The following RBFOX1 variants were observed in gnomAD, a reference collection of about 807,000 sequenced individuals.
The protein encoded by RBFOX1 is RNA binding fox-1 homolog 1.
A neutral mutation model predicts 57.7 loss-of-function variants in RBFOX1; 8 were observed. The ratio of observed to expected loss-of-function variants is 0.14; its 90% CI spans 0.08 to 0.25. The LOEUF is 0.25. RBFOX1 is among the 10% of genes least tolerant of loss of function. The pLI is 1.00. For missense variants in RBFOX1, 611 were observed against 548.5 expected (o/e 1.11, Z -1.14); for synonymous variants, 326 against 222.4 (o/e 1.47, Z -4.15).
intron 5 of RBFOX1, among the ~76,000 whole-genome samples, chr16:7,547,287 T>A (rs762921001): frequency 7.2e-5 from 11 of 152,222 alleles, no homozygotes; most frequent in Non-Finnish European, 1.6e-4. Flanking sequence ...TTAGCACCTT[T>A]CGATATGAAG....
chr16:7,585,609 G>T (rs781269662), intron 6 of RBFOX1, among the ~76,000 whole-genome samples: 4 of 152,136 alleles, frequency 2.6e-5, no homozygotes, highest in Non-Finnish European at 5.9e-5. Context: ...ACATTTCTAT[G>T]GCACAGAATG....
chr16:6,167,613 CA>C (rs1209679316), intron 1 of RBFOX1, among the ~76,000 whole-genome samples: 10 of 152,100 alleles, frequency 6.6e-5, no homozygotes, highest in African/African-American at 2.2e-4. Context: ...TTCAGGAGAC[CA>C]AAAGAAAGAG....
intron 3 of RBFOX1, among the ~76,000 whole-genome samples, chr16:6,724,658 C>T (rs763313401): frequency 3.9e-5 from 6 of 152,014 alleles, no homozygotes; most frequent in Admixed American, 1.3e-4. Flanking sequence ...TATAGCAGCC[C>T]GAATAGACTA....
At chr16:5,492,035 A>G (rs1049333630) in intron 2 of RBFOX1, among the ~76,000 whole-genome samples, 1 of 152,206 alleles carries the variant, frequency 6.6e-6, no homozygotes, top group African/African-American at 2.4e-5. Flanking sequence ...GACCAGCAGT[A>G]TCAGCGTTGC....
chr16:6,362,407 T>A (rs1191446723), intron 2 of RBFOX1, among the ~76,000 whole-genome samples: 2 of 152,160 alleles, frequency 1.3e-5, no homozygotes, highest in Non-Finnish European at 2.9e-5. Context: ...TAAAATTGAA[T>A]GTACATAAAT....
At chr16:5,288,015 C>T (rs1478786086) in intron 1 of RBFOX1, among the ~76,000 whole-genome samples, 1 of 152,182 alleles carries the variant, frequency 6.6e-6, no homozygotes, top group Non-Finnish European at 1.5e-5. Context: ...GGGGGCCTGA[C>T]TAGGGAGGTA....
intron 4 of RBFOX1, among the ~76,000 whole-genome samples, chr16:7,191,178 C>T (rs569632061): frequency 1.3e-5 from 2 of 152,124 alleles, no homozygotes. Flanking sequence ...AAGGAAACCC[C>T]TTTCAACCCC....
At chr16:5,331,978 G>A (rs1051570098) in intron 1 of RBFOX1, among the ~76,000 whole-genome samples, 6 of 152,190 alleles carry the variant, frequency 3.9e-5, no homozygotes, top group Admixed American at 3.3e-4. Flanking sequence ...AGGGGTTTTC[G>A]AATCTGGACC....
chr16:7,034,089 C>G (rs1456533375), intron 3 of RBFOX1, among the ~76,000 whole-genome samples: 1 of 152,142 alleles, frequency 6.6e-6, no homozygotes, highest in Non-Finnish European at 1.5e-5. Context: ...GTGCAGGTGT[C>G]CATGCCATGG....
intron 2 of RBFOX1, among the ~76,000 whole-genome samples, chr16:5,554,170 C>T (rs1398367052): frequency 1.3e-5 from 2 of 151,814 alleles, no homozygotes; most frequent in African/African-American, 2.4e-5. Context: ...GAGGTTTTAC[C>T]GTGTTGGCCA....
chr16:5,754,390 TG>T (rs2053324806), intron 3 of RBFOX1, among the ~76,000 whole-genome samples: 1 of 152,106 alleles, frequency 6.6e-6, no homozygotes, highest in African/African-American at 2.4e-5. Flanking sequence ...ATGATTGATG[TG>T]GGGGTGGGTT....
At position 6,066,149 on chromosome 16, in the gene RBFOX1, C is replaced by T. The variant is rs184904485; in HGVS notation, c.-127+46157C>T. On this transcript the variant is annotated intron_variant, in intron 1 of 15. Coordinates refer to ENST00000550418, the MANE Select transcript of RBFOX1 (RefSeq NM_018723.4). ...TCTCTACTAAAAACACAAAAATTAG[C>T]TGGGTGTGGTGGCATGTGCCTGTAG... Among the ~76,000 whole-genome samples the T allele has an allele frequency of 1.3e-3, 200 of 151,830 alleles. 1 individual carries two copies. The highest frequency in any genetic ancestry group is 4.0e-3 in the African/African-American group (166 of 41,396).
intron 1 of RBFOX1, among the ~76,000 whole-genome samples, chr16:6,219,706 C>T (rs2152875838): frequency 6.6e-6 from 1 of 152,158 alleles, no homozygotes; most frequent in South Asian, 2.1e-4. Flanking sequence ...GAAAACCTGT[C>T]TCTACTAAAA....
chr16:6,521,456 C>T (rs1370403069), intron 2 of RBFOX1, among the ~76,000 whole-genome samples: 1 of 143,416 alleles, frequency 7.0e-6, no homozygotes. Flanking sequence ...CTCCCGTCCC[C>T]TCTCCTCTCC....
chr16:7,185,111 A>G (rs144840525), intron 4 of RBFOX1, among the ~76,000 whole-genome samples: 169 of 152,320 alleles, frequency 1.1e-3, no homozygotes, highest in Middle Eastern at 6.8e-3. Flanking sequence ...ACCACCTAAC[A>G]GTGGGGTATT....
At chr16:7,046,191 C>G (rs148301993) in intron 3 of RBFOX1, among the ~76,000 whole-genome samples, 1 of 151,554 alleles carries the variant, frequency 6.6e-6, no homozygotes, top group East Asian at 1.9e-4. Context: ...GACAGGTGTT[C>G]CATTTTGACT....
At chr16:6,643,330 A>T (rs916682014) in intron 2 of RBFOX1, among the ~76,000 whole-genome samples, 2 of 152,184 alleles carry the variant, frequency 1.3e-5, no homozygotes, top group Non-Finnish European at 2.9e-5. Flanking sequence ...ATGGAAAAGG[A>T]AGTGAATAAA....
intron 1 of RBFOX1, among the ~76,000 whole-genome samples, chr16:5,427,418 C>T (rs536030638): frequency 6.6e-6 from 1 of 152,100 alleles, no homozygotes; most frequent in Non-Finnish European, 1.5e-5. Context: ...AATCCTGTCT[C>T]TACTAAAAAT....
intron 3 of RBFOX1, among the ~76,000 whole-genome samples, chr16:6,810,665 A>G (rs898391278): frequency 1.3e-5 from 2 of 152,096 alleles, no homozygotes; most frequent in African/African-American, 2.4e-5. Flanking sequence ...GCAGTTCCAC[A>G]TGGCTGGGAA....
Sources: allele counts gnomAD v4.1 joint callset (sites outside exome capture counted in the v4.1 genomes callset), GRCh38; gene constraint gnomAD v4.1.1; transcripts MANE v1.5; gene names NCBI Gene and HGNC (gene_info 2026-07-23, HGNC 2026-07-21).